Variants in CNTNAP5 observed in about 807,000 individuals in gnomAD.
The protein encoded by CNTNAP5 is contactin-associated protein-like 5.
Under a neutral mutation model 150.2 loss-of-function variants are expected in CNTNAP5, and 72 were observed. That is an observed-to-expected ratio of 0.48 (90% confidence interval 0.40 to 0.58). The LOEUF is 0.58. CNTNAP5 is among the 20% of genes least tolerant of loss of function. CNTNAP5 has a pLI of 0.00. For missense variants in CNTNAP5, 1,636 were observed against 1,626.2 expected (o/e 1.01, Z -0.10); for synonymous variants, 672 against 619.8 (o/e 1.08, Z -1.25).
chr2:124,453,005 G>T (rs559170237), intron 6 of CNTNAP5, among the ~76,000 whole-genome samples: 23 of 152,112 alleles, frequency 1.5e-4, no homozygotes, highest in African/African-American at 5.5e-4. Context: ...TAGCTTTCCA[G>T]CAATGGATCC....
chr2:124,682,885 G>A (rs962226935), intron 13 of CNTNAP5, among the ~76,000 whole-genome samples: 1 of 152,114 alleles, frequency 6.6e-6, no homozygotes, highest in African/African-American at 2.4e-5. Flanking sequence ...TAGGATACAA[G>A]CAATCTAGGA....
intron 5 of CNTNAP5, among the ~76,000 whole-genome samples, chr2:124,445,081 CT>C (rs1006938474): frequency 0.013 from 1,660 of 131,812 alleles, 16 homozygotes; most frequent in East Asian, 0.022. Context: ...ACACAAATAT[CT>C]TTTTTTTTTT....
At chr2:124,819,132 C>T (rs1165895213) in intron 19 of CNTNAP5, among the ~76,000 whole-genome samples, 1 of 152,006 alleles carries the variant, frequency 6.6e-6, no homozygotes, top group African/African-American at 2.4e-5. Context: ...TTCTACTTGG[C>T]TTGGTGTTTC....
intron 16 of CNTNAP5, among the ~76,000 whole-genome samples, chr2:124,771,429 T>C (rs578180975): frequency 4.6e-5 from 7 of 152,322 alleles, no homozygotes; most frequent in Non-Finnish European, 1.0e-4. Flanking sequence ...TGAAGAACCC[T>C]GCCTGTGGAG....
At chr2:124,706,677 G>A (rs1679644480) in intron 13 of CNTNAP5, among the ~76,000 whole-genome samples, 1 of 151,436 alleles carries the variant, frequency 6.6e-6, no homozygotes, top group Admixed American at 6.6e-5. Context: ...AACCTGGGAG[G>A]TGGAGGTTGC....
intron 8 of CNTNAP5, among the ~76,000 whole-genome samples, chr2:124,509,456 A>G (rs1421096107): frequency 6.6e-6 from 1 of 152,216 alleles, no homozygotes; most frequent in Non-Finnish European, 1.5e-5. Context: ...GTGAAAGTAG[A>G]ACCAGCAGCC....
chr2:124,642,230 A>G (rs1208919206), intron 12 of CNTNAP5, among the ~76,000 whole-genome samples: 1 of 152,040 alleles, frequency 6.6e-6, no homozygotes, highest in Non-Finnish European at 1.5e-5. Flanking sequence ...ATATTCCACC[A>G]TTACTACTCT....
chr2:124,102,643 G>A (rs1002483927), intron 1 of CNTNAP5, among the ~76,000 whole-genome samples: 1 of 152,094 alleles, frequency 6.6e-6, no homozygotes, highest in Non-Finnish European at 1.5e-5. Context: ...AATAAGCCCC[G>A]TGCTCCAGTT....
chr2:124,430,599 A>G (rs1018428692), intron 4 of CNTNAP5, among the ~76,000 whole-genome samples: 2 of 152,198 alleles, frequency 1.3e-5, no homozygotes, highest in Non-Finnish European at 2.9e-5. Context: ...TTATCAGGGC[A>G]AAGGAAGTTC....
In CNTNAP5 at chr2:124,787,099, TA is replaced by T. The variant is rs199862054; in HGVS notation, c.2753-2797del. Among the ~76,000 whole-genome samples, 136 of 152,236 alleles carry T rather than the reference TA, an allele frequency of 8.9e-4. 2 individuals carry two copies. The East Asian group carries it at 0.015, about 17-fold the overall frequency. On this transcript the variant is annotated intron_variant, in intron 17 of 23. Transcript: ENST00000682447. ...CAACCCCAGTCATCTTCTTCTCCAT[TA>T]AAAAAGTTGTTGACTAAGTCACACG...
At chr2:124,102,522 T>G (rs1397904930) in intron 1 of CNTNAP5, among the ~76,000 whole-genome samples, 1 of 152,196 alleles carries the variant, frequency 6.6e-6, no homozygotes, top group Non-Finnish European at 1.5e-5. Flanking sequence ...CAGTTTATGC[T>G]TCTGCTGTAG....
At chr2:124,302,096 G>C (rs574930652) in intron 3 of CNTNAP5, among the ~76,000 whole-genome samples, 1 of 152,212 alleles carries the variant, frequency 6.6e-6, no homozygotes, top group South Asian at 2.1e-4. Flanking sequence ...TGTAAGCCAT[G>C]TAGTGAGGCT....
intron 3 of CNTNAP5, among the ~76,000 whole-genome samples, chr2:124,348,126 C>T (rs909028771): frequency 7.2e-5 from 11 of 152,106 alleles, no homozygotes; most frequent in Admixed American, 7.2e-4. Context: ...CATACTATCT[C>T]CACAATTTTT....
intron 14 of CNTNAP5, among the ~76,000 whole-genome samples, chr2:124,759,416 TTATA>T (rs112394055): frequency 2.1e-5 from 3 of 144,910 alleles, no homozygotes; most frequent in Non-Finnish European, 4.5e-5. Context: ...TATATACACA[TTATA>T]TATATATATA....
At chr2:124,872,405 TGTGTGTGTGTGC>T (rs902355772) in intron 21 of CNTNAP5, among the ~76,000 whole-genome samples, 5 of 149,778 alleles carry the variant, frequency 3.3e-5, no homozygotes, top group African/African-American at 7.6e-5. Flanking sequence ...TGTGTGTGTG[TGTGTGTGTGTGC>T]GTGCATGTGC....
chr2:124,885,609 G>A (rs886910852), intron 21 of CNTNAP5, among the ~76,000 whole-genome samples: 14 of 148,402 alleles, frequency 9.4e-5, no homozygotes, highest in Non-Finnish European at 1.6e-4. Context: ...CCATTAAACA[G>A]TCACATCTCA....
chr2:124,199,577 A>G, intron 1 of CNTNAP5, among the ~76,000 whole-genome samples: 1 of 151,726 alleles, frequency 6.6e-6, no homozygotes, highest in East Asian at 1.9e-4. Context: ...CACCACACCC[A>G]GCTAATTTTT....
At chr2:124,197,281 T>C (rs10197517) in intron 1 of CNTNAP5, among the ~76,000 whole-genome samples, 43,383 of 152,010 alleles carry the variant, frequency 0.29, 6,392 homozygotes, top group South Asian at 0.47. Flanking sequence ...ATTAATCCTT[T>C]GATTTTCTTA....
chr2:124,233,825 A>G (rs1282953605), intron 2 of CNTNAP5, among the ~76,000 whole-genome samples: 4 of 151,222 alleles, frequency 2.6e-5, no homozygotes, highest in African/African-American at 9.7e-5. Flanking sequence ...ATGGTATGGT[A>G]GACACTAACC....
Sources: gnomAD v4.1 joint callset for allele counts (sites outside exome capture counted in the v4.1 genomes callset) on GRCh38, gnomAD v4.1.1 for gene constraint, MANE v1.5 for transcripts, NCBI Gene and HGNC (gene_info 2026-07-23, HGNC 2026-07-21) for gene names.